NCOA6: variants seen among roughly 807,000 people sequenced by gnomAD.
NCOA6 encodes the protein nuclear receptor coactivator 6.
Under a neutral mutation model 171.4 loss-of-function variants are expected in NCOA6, and 49 were observed. The observed-to-expected ratio is 0.29, with a 90% CI of 0.23 to 0.36. NCOA6 has a LOEUF of 0.36. Among genes scored for constraint, NCOA6 ranks in the 10% least tolerant of loss-of-function variants. NCOA6 has a pLI of 1.00. For synonymous variants in NCOA6, 910 were observed against 927.5 expected (o/e 0.98, Z 0.34); for missense variants, 2,248 against 2,554.5 (o/e 0.88, Z 2.59).
At chr20:34,716,209 C>A (rs1317431757) in intron 14 of NCOA6, among the ~76,000 whole-genome samples, 22 of 133,708 alleles carry the variant, frequency 1.6e-4, no homozygotes, top group African/African-American at 6.5e-4. Flanking sequence ...CAGCGAGACT[C>A]CGTCTCAAAA....
intron 5 of NCOA6, among the ~76,000 whole-genome samples, chr20:34,767,229 G>A (rs1568812795): frequency 6.6e-6 from 1 of 152,126 alleles, no homozygotes; most frequent in Non-Finnish European, 1.5e-5. Flanking sequence ...ACCTGTAAAT[G>A]GTAGTACCAG....
At chr20:34,787,135 C>A (rs1601027036) in intron 2 of NCOA6, among the ~76,000 whole-genome samples, 1 of 145,964 alleles carries the variant, frequency 6.9e-6, no homozygotes, top group Non-Finnish European at 1.5e-5. Flanking sequence ...AAAAAAAAAA[C>A]AACCCCATTA....
intron 14 of NCOA6, among the ~76,000 whole-genome samples, chr20:34,724,198 C>A (rs1989699969): frequency 6.6e-6 from 1 of 152,178 alleles, no homozygotes; most frequent in Non-Finnish European, 1.5e-5. Flanking sequence ...ACCTAAGAGA[C>A]CCTGACTGTG....
At chr20:34,760,101 G>C (rs561594497) in intron 5 of NCOA6, among the ~76,000 whole-genome samples, 1 of 152,154 alleles carries the variant, frequency 6.6e-6, no homozygotes, top group East Asian at 1.9e-4. Flanking sequence ...AACATAGAAA[G>C]ACCCCATCTC....
chr20:34,825,419 C>G (rs1437282482), intron 1 of NCOA6, 53 bp downstream of exon 1: 1 of 149,506 alleles, frequency 6.7e-6, no homozygotes, highest in Non-Finnish European at 1.5e-5. Context: ...CGACAAGGAC[C>G]GCGGACGCCC....
intron 14 of NCOA6, among the ~76,000 whole-genome samples, chr20:34,716,463 C>A (rs1037783968): frequency 6.6e-6 from 1 of 152,264 alleles, no homozygotes; most frequent in Admixed American, 6.5e-5. Context: ...TTCTTAAAAA[C>A]GTTTTGGCCA....
chr20:34,788,525 T>C (rs2077759431), intron 2 of NCOA6, among the ~76,000 whole-genome samples: 1 of 152,182 alleles, frequency 6.6e-6, no homozygotes, highest in African/African-American at 2.4e-5. Context: ...CTGGTGGATG[T>C]GTCTTATGGA....
chr20:34,775,672 C>CAAAAAAAAAAAAAAAAAAAAAA (rs570763953), intron 4 of NCOA6, among the ~76,000 whole-genome samples: 6 of 77,494 alleles, frequency 7.7e-5, no homozygotes, highest in East Asian at 6.8e-4. Context: ...GACTCTGTCT[C>CAAAAAAAAAAAAAAAAAAAAAA]AAAAAAAAAA....
intron 3 of NCOA6, among the ~76,000 whole-genome samples, chr20:34,779,855 CT>C (rs1368698177): frequency 6.6e-6 from 1 of 151,736 alleles, no homozygotes; most frequent in Admixed American, 6.6e-5. Context: ...ACAGGGAAAA[CT>C]TGCTAAAAGG....
At chr20:34,772,582 C>G (rs1462193659) in intron 4 of NCOA6, among the ~76,000 whole-genome samples, 1 of 151,016 alleles carries the variant, frequency 6.6e-6, no homozygotes, top group Admixed American at 6.6e-5. Context: ...GTAACCAGAG[C>G]TCTAATAAAA....
intron 5 of NCOA6, among the ~76,000 whole-genome samples, chr20:34,759,610 T>G (rs566996192): frequency 6.6e-6 from 1 of 152,314 alleles, no homozygotes; most frequent in African/African-American, 2.4e-5. Flanking sequence ...CTTTGTCAGC[T>G]TCCTTTTTCA....
rs1287845640 is a variant in NCOA6, at chr20:34,757,798, C to T, written c.950G>A (p.Gly317Asp). 6.2e-7 allele frequency: 1 copy of T among 1,614,104 alleles called. No homozygotes were observed. Among genetic ancestry groups the T allele is most frequent in the Non-Finnish European group, 8.5e-7 (1 of 1,180,012 alleles). Residue 317 changes from glycine (G) to aspartate (D), a missense_variant, in exon 7 of 15, where the codon GGC (glycine) becomes GAC (aspartate). Gly to Asp is a moderately conservative substitution (Grantham distance 94). Around this residue, in one of 7 missense-constraint regions of NCOA6, gnomAD observed 987 missense variants for 1,104.7 expected, o/e 0.89. Transcript: ENST00000359003. ...TAPTQVPVPPGWNQLPSGALQ... is the reference protein window; with the variant it reads ...TAPTQVPVPPDWNQLPSGALQ... ...GGCTCCAGAAGGCAGCTGGTTCCAG[C>T]CTGGAGGAACAGGCACCTGAGTTGG...
chr20:34,817,369 T>C (rs532540598), intron 1 of NCOA6, among the ~76,000 whole-genome samples: 1 of 151,874 alleles, frequency 6.6e-6, no homozygotes, highest in Admixed American at 6.6e-5. Context: ...ATATAGTTAA[T>C]TTATTAACTG....
Position 34,721,794 on chromosome 20 carries a change from G to A in NCOA6, c.6148+5465C>T, listed in dbSNP as rs149999842. ...AAAATATCAGGGCATAGTGGCTCAC[G>A]CCTGTAATCCCAGCACTTTGGGAGG... On this transcript the variant is annotated intron_variant, in intron 14 of 14. Coordinates refer to ENST00000359003, the MANE Select transcript of NCOA6 (RefSeq NM_014071.5). Among the ~76,000 whole-genome samples the A allele has an allele frequency of 1.4e-3, 217 of 152,232 alleles. 1 individual carries two copies. The highest frequency in any genetic ancestry group is 5.0e-3 in the African/African-American group (206 of 41,532).
intron 1 of NCOA6, among the ~76,000 whole-genome samples, chr20:34,804,163 G>A (rs1386679731): frequency 6.6e-6 from 1 of 151,874 alleles, no homozygotes; most frequent in African/African-American, 2.4e-5. Context: ...ATGGTGAAAC[G>A]CCATCACTAC....
intron 1 of NCOA6, among the ~76,000 whole-genome samples, chr20:34,814,054 G>C (rs1329208170): frequency 2.0e-5 from 3 of 152,150 alleles, no homozygotes; most frequent in African/African-American, 7.2e-5. Flanking sequence ...AATAGGGCTG[G>C]GCATGGTGGC....
intron 5 of NCOA6, among the ~76,000 whole-genome samples, chr20:34,763,468 A>G (rs1028787212): frequency 6.6e-6 from 1 of 152,168 alleles, no homozygotes; most frequent in Non-Finnish European, 1.5e-5. Flanking sequence ...TATGATTCTC[A>G]TAATTGTTAA....
intron 1 of NCOA6, among the ~76,000 whole-genome samples, chr20:34,794,135 T>G (rs2077986217): frequency 6.6e-6 from 1 of 152,124 alleles, no homozygotes; most frequent in African/African-American, 2.4e-5. Flanking sequence ...AAATCACAAT[T>G]ACAAGCTGGG....
chr20:34,761,943 C>T (rs920318426), intron 5 of NCOA6, among the ~76,000 whole-genome samples: 22 of 152,024 alleles, frequency 1.4e-4, no homozygotes, highest in Admixed American at 1.3e-3. Flanking sequence ...CGTGAGCTAT[C>T]GTGCCCGGCT....
Sources: allele counts gnomAD v4.1 joint callset (sites outside exome capture counted in the v4.1 genomes callset), GRCh38; gene constraint gnomAD v4.1.1; regional missense constraint gnomAD v4.1.1; transcripts MANE v1.5; gene names NCBI Gene and HGNC (gene_info 2026-07-23, HGNC 2026-07-21).